EHBP1: variants seen among roughly 807,000 people sequenced by gnomAD.
The protein encoded by EHBP1 is EH domain-binding protein 1.
In EHBP1, 55 loss-of-function variants were observed where a neutral mutation model predicts 144.0. The observed-to-expected ratio is 0.38, with a 90% CI of 0.31 to 0.48. The LOEUF is 0.48. Ranked by LOEUF, EHBP1 falls within the 20% of genes least tolerant of loss-of-function variation. EHBP1 has a pLI of 0.98. For synonymous variants in EHBP1, 469 were observed against 472.7 expected (o/e 0.99, Z 0.10); for missense variants, 1,200 against 1,364.2 (o/e 0.88, Z 1.90).
At chr2:62,959,334 C>A (rs996396733) in intron 14 of EHBP1, among the ~76,000 whole-genome samples, 3 of 152,166 alleles carry the variant, frequency 2.0e-5, no homozygotes, top group African/African-American at 7.2e-5. Context: ...CTGCAGTGAA[C>A]ATAGGAGTGC....
At chr2:62,715,412 C>T (rs566938270) in intron 2 of EHBP1, among the ~76,000 whole-genome samples, 1 of 151,824 alleles carries the variant, frequency 6.6e-6, no homozygotes, top group Admixed American at 6.6e-5. Flanking sequence ...CCGTGCCCAG[C>T]CGAGTCACCG....
intron 19 of EHBP1, among the ~76,000 whole-genome samples, chr2:63,005,181 G>C (rs1430552522): frequency 1.3e-5 from 2 of 151,976 alleles, no homozygotes; most frequent in Non-Finnish European, 2.9e-5. Context: ...CTCGTAGAAG[G>C]CCATGGGTAG....
chr2:62,911,081 G>A (rs2054177799), intron 10 of EHBP1, among the ~76,000 whole-genome samples: 1 of 152,038 alleles, frequency 6.6e-6, no homozygotes. Context: ...TATTTTTCTG[G>A]TTCCTGATTT....
At chr2:62,875,263 G>A (rs1276349130) in intron 10 of EHBP1, among the ~76,000 whole-genome samples, 2 of 152,308 alleles carry the variant, frequency 1.3e-5, no homozygotes, top group South Asian at 4.1e-4. Context: ...CAGCAGACTG[G>A]GAACATCTCA....
intron 10 of EHBP1, among the ~76,000 whole-genome samples, chr2:62,927,710 A>G (rs1295500752): frequency 6.6e-6 from 1 of 152,220 alleles, no homozygotes; most frequent in South Asian, 2.1e-4. Context: ...GGATAGAAGA[A>G]TCAGGTAAAA....
chr2:62,856,419 C>G (rs897166983), intron 7 of EHBP1, among the ~76,000 whole-genome samples: 13 of 152,200 alleles, frequency 8.5e-5, no homozygotes, highest in African/African-American at 2.9e-4. Context: ...TGCAGCCTTG[C>G]AGAGAGCTGG....
chr2:62,815,628 C>T (rs1297144697), intron 5 of EHBP1, among the ~76,000 whole-genome samples: 1 of 152,134 alleles, frequency 6.6e-6, no homozygotes, highest in Admixed American at 6.5e-5. Flanking sequence ...TGGTTATTCA[C>T]CCTTGGGTAT....
chr2:62,705,999 G>T lies in EHBP1; in HGVS notation c.-349G>T. The T allele has an allele frequency of 6.0e-6, 1 of 166,364 alleles. No homozygotes were observed. The highest frequency in any genetic ancestry group is 1.3e-4 in the South Asian group (1 of 7,556). The allele number at this position is 166,364 out of a possible 1,614,324, so 10.3% of individuals were successfully genotyped here. The stretch of plus-strand genomic sequence containing the variant: ...GGCTGCTGCTGCGGCGGCGACGGAG[G>T]AGCGGCTATGAGAAGGGAACGGGGC... On this transcript the variant is annotated 5_prime_UTR_variant, in exon 1 of 23. It introduces an in-frame stop codon into an upstream open reading frame of the 5' UTR. Coordinates refer to ENST00000431489, the MANE Select transcript of EHBP1 (RefSeq NM_001142616.3).
chr2:62,841,754 C>G (rs988025992), intron 7 of EHBP1, among the ~76,000 whole-genome samples: 1 of 150,796 alleles, frequency 6.6e-6, no homozygotes, highest in Non-Finnish European at 1.5e-5. Flanking sequence ...CTTTTCTTTT[C>G]TTTCTCTTTC....
chr2:62,766,980 A>T (rs915141057), intron 4 of EHBP1, among the ~76,000 whole-genome samples: 1 of 147,204 alleles, frequency 6.8e-6, no homozygotes, highest in East Asian at 2.0e-4. Flanking sequence ...AAAAAAAAAA[A>T]GGTTGCATTT....
chr2:63,010,786 T>C (rs1481120426), intron 19 of EHBP1, among the ~76,000 whole-genome samples: 1 of 151,766 alleles, frequency 6.6e-6, no homozygotes, highest in African/African-American at 2.4e-5. Context: ...ATGAACATTA[T>C]ACGTTCATTC....
intron 10 of EHBP1, among the ~76,000 whole-genome samples, chr2:62,919,435 C>T (rs1274082814): frequency 6.6e-6 from 1 of 152,156 alleles, no homozygotes; most frequent in Non-Finnish European, 1.5e-5. Flanking sequence ...ACAGAAAAGA[C>T]CTGAGATGAT....
In EHBP1 at chr2:62,990,661, C is replaced by A. The variant is rs2059377823; in HGVS notation, c.2609-55C>A. 5 of 1,574,552 alleles carry A rather than the reference C, an allele frequency of 3.2e-6. No homozygotes were observed. The Admixed American group carries it at 8.6e-5, about 27-fold the overall frequency. ...TCTGAGCTCACATAAAATTGACAGC[C>A]TACATATCTAAATGCATCTCACTCA... On this transcript the variant is annotated intron_variant, in intron 15 of 22. Coordinates refer to ENST00000431489, the MANE Select transcript of EHBP1 (RefSeq NM_001142616.3).
chr2:62,926,482 A>G (rs2055520109), intron 10 of EHBP1, among the ~76,000 whole-genome samples: 1 of 152,158 alleles, frequency 6.6e-6, no homozygotes, highest in Non-Finnish European at 1.5e-5. Flanking sequence ...AAACATCCCA[A>G]TAGCCAAAAA....
chr2:62,992,555 C>T (rs745364348), intron 16 of EHBP1, among the ~76,000 whole-genome samples: 1 of 152,066 alleles, frequency 6.6e-6, no homozygotes, highest in Non-Finnish European at 1.5e-5. Context: ...CATATAGAGT[C>T]CATCTGTTCT....
chr2:62,948,118 G>A, intron 12 of EHBP1, 142 bp from the exon 13 acceptor site: 1 of 581,506 alleles, frequency 1.7e-6, no homozygotes, highest in Non-Finnish European at 2.6e-6. Flanking sequence ...ACACATGTCT[G>A]ACTTTTGGAA....
Position 62,831,255 on chromosome 2 carries a change from G to T in EHBP1, c.634+97G>T, listed in dbSNP as rs1439267161. The T allele has an allele frequency of 4.8e-6, 6 of 1,245,664 alleles. No homozygotes were observed. In the East Asian group the frequency reaches 1.4e-4, roughly 29 times the overall value. The allele number at this position is 1,245,664 out of a possible 1,614,324, so 77.2% of individuals were successfully genotyped here. A position where few individuals can be genotyped will look rare whatever the true frequency, so the allele number is the denominator to read the frequency against. On this transcript the variant is annotated intron_variant, in intron 7 of 22. Coordinates refer to ENST00000431489, the MANE Select transcript of EHBP1 (RefSeq NM_001142616.3). ...AGGAAAAAACAATTCTACTTATTGG[G>T]TTTCTTTTTTTTTCTTTAAGCCTTT...
At position 63,046,364 on chromosome 2, in the gene EHBP1, C is replaced by G. The variant is rs2061954303; in HGVS notation, c.*864C>G. 6.6e-6 allele frequency: 1 copy of G among 152,562 alleles called. No individual in the cohort carries two copies. The highest frequency in any genetic ancestry group is 2.1e-4 in the South Asian group (1 of 4,830). 9.5% of individuals were successfully genotyped at this position (152,562 alleles called of 1,614,324 possible). ...CTGTCTTGCCACTACAAGTAAATCC[C>G]CCATTTAATATTTTCTTCTTTAGCA... On this transcript the variant is annotated 3_prime_UTR_variant, in exon 23 of 23. Coordinates refer to ENST00000431489, the MANE Select transcript of EHBP1 (RefSeq NM_001142616.3).
intron 11 of EHBP1, among the ~76,000 whole-genome samples, chr2:62,943,494 C>T (rs1294720900): frequency 6.6e-6 from 1 of 150,624 alleles, no homozygotes. Context: ...GCCTGTAATT[C>T]TTTACATTGA....
Sources: allele counts gnomAD v4.1 joint callset (sites outside exome capture counted in the v4.1 genomes callset), GRCh38; gene constraint gnomAD v4.1.1; transcripts MANE v1.5; gene names NCBI Gene and HGNC (gene_info 2026-07-23, HGNC 2026-07-21).